The following PLGRKT variants were observed in gnomAD, a reference collection of about 807,000 sequenced individuals.
PLGRKT encodes the protein plasminogen receptor (KT).
In PLGRKT, 22 loss-of-function variants were observed where a neutral mutation model predicts 18.5. That is an observed-to-expected ratio of 1.19 (90% confidence interval 0.85 to 1.70). The LOEUF (loss-of-function observed/expected upper bound fraction) is 1.70, where lower values mean the gene tolerates loss of function less well. PLGRKT is among the 40% of genes most tolerant of loss of function. The probability of loss-of-function intolerance (pLI) is 0.00; values close to 1 mark genes in which losing one functional copy is unlikely to be tolerated. For missense variants in PLGRKT, 235 were observed against 174.4 expected (o/e 1.35, Z -1.96); for synonymous variants, 72 against 52.8 (o/e 1.36, Z -1.58).
At chr9:5,362,491 T>C (rs1262155496) in intron 3 of PLGRKT, among the ~76,000 whole-genome samples, 1 of 152,224 alleles carries the variant, frequency 6.6e-6, no homozygotes, top group African/African-American at 2.4e-5. Flanking sequence ...ACTGAATTTC[T>C]AAATTGATTT....
intron 3 of PLGRKT, among the ~76,000 whole-genome samples, chr9:5,363,193 G>C (rs1000820741): frequency 4.0e-5 from 6 of 151,846 alleles, no homozygotes; most frequent in African/African-American, 1.2e-4. Context: ...CTGGATCCCA[G>C]AGGATCAGCA....
At chr9:5,370,310 A>C (rs896771377) in intron 3 of PLGRKT, among the ~76,000 whole-genome samples, 1 of 152,204 alleles carries the variant, frequency 6.6e-6, no homozygotes, top group African/African-American at 2.4e-5. Flanking sequence ...AATTATGTAA[A>C]GGTCCACAGA....
intron 3 of PLGRKT, among the ~76,000 whole-genome samples, chr9:5,375,930 C>G (rs1817617862): frequency 6.6e-6 from 1 of 152,118 alleles, no homozygotes; most frequent in African/African-American, 2.4e-5. Flanking sequence ...TTCACAACAG[C>G]CAAAAGGTAG....
At chr9:5,435,281 C>A (rs1818936903) in intron 2 of PLGRKT, among the ~76,000 whole-genome samples, 1 of 151,088 alleles carries the variant, frequency 6.6e-6, no homozygotes, top group South Asian at 2.1e-4. Flanking sequence ...CCTGCCACAT[C>A]CCCCTCTCTA....
At chr9:5,365,341 C>T (rs1373133099) in intron 3 of PLGRKT, among the ~76,000 whole-genome samples, 1 of 152,140 alleles carries the variant, frequency 6.6e-6, no homozygotes, top group Non-Finnish European at 1.5e-5. Flanking sequence ...AAATAAATAA[C>T]ATAGTGTTGG....
rs115387279 is a variant in PLGRKT, at chr9:5,366,631, C to T, written c.82-4743G>A. ...AGAGCCATCTATGACAAACTCACAG[C>T]CTATGACAACATCACTGAATGTGAA... On this transcript the variant is annotated intron_variant, in intron 3 of 5. Transcript: ENST00000223864. 4.1e-3 allele frequency among the ~76,000 whole-genome samples: 617 copies of T among 152,204 alleles called. 6 individuals are homozygous for T. The highest frequency in any genetic ancestry group is 0.014 in the African/African-American group (575 of 41,538).
At chr9:5,414,499 T>C (rs1818422419) in intron 3 of PLGRKT, among the ~76,000 whole-genome samples, 2 of 152,166 alleles carry the variant, frequency 1.3e-5, no homozygotes. Context: ...ATTAGAACCA[T>C]AGCAATGTTT....
chr9:5,426,645 C>A (rs1818707498), intron 3 of PLGRKT, among the ~76,000 whole-genome samples: 1 of 152,184 alleles, frequency 6.6e-6, no homozygotes, highest in South Asian at 2.1e-4. Context: ...TTAGGAGAAT[C>A]AATCCACCAT....
At chr9:5,421,700 C>T (rs919400424) in intron 3 of PLGRKT, among the ~76,000 whole-genome samples, 5 of 152,154 alleles carry the variant, frequency 3.3e-5, no homozygotes, top group African/African-American at 1.2e-4. Context: ...TCACTTAATC[C>T]TCAGAGTAAC....
At chr9:5,397,112 G>A (rs1586724782) in intron 3 of PLGRKT, among the ~76,000 whole-genome samples, 1 of 152,078 alleles carries the variant, frequency 6.6e-6, no homozygotes, top group South Asian at 2.1e-4. Flanking sequence ...TTAGTGGTAA[G>A]TATGAATGCG....
At chr9:5,423,930 T>C (rs1430109393) in intron 3 of PLGRKT, among the ~76,000 whole-genome samples, 1 of 144,108 alleles carries the variant, frequency 6.9e-6, no homozygotes, top group African/African-American at 2.6e-5. Flanking sequence ...TTACCTGTTA[T>C]ATATTATATA....
intron 3 of PLGRKT, among the ~76,000 whole-genome samples, chr9:5,363,583 A>C (rs1359531280): frequency 6.6e-6 from 1 of 152,020 alleles, no homozygotes; most frequent in Non-Finnish European, 1.5e-5. Context: ...TCTGCTCTGA[A>C]ACCATTTATG....
At chr9:5,372,708 C>T (rs185024377) in intron 3 of PLGRKT, among the ~76,000 whole-genome samples, 3 of 152,292 alleles carry the variant, frequency 2.0e-5, no homozygotes, top group African/African-American at 7.2e-5. Context: ...TTCCACCTCC[C>T]AAGTCTCCTT....
chr9:5,365,174 G>C (rs73639293), intron 3 of PLGRKT, among the ~76,000 whole-genome samples: 2,097 of 152,108 alleles, frequency 0.014, 58 homozygotes, highest in African/African-American at 0.048. Context: ...CCTAGGACTG[G>C]GGCAAGAAAT....
At chr9:5,397,233 G>T (rs73397111) in intron 3 of PLGRKT, among the ~76,000 whole-genome samples, 5,789 of 151,838 alleles carry the variant, frequency 0.038, 458 homozygotes, top group African/African-American at 0.13. Context: ...TTTCTTCCAG[G>T]TAAGATCAAA....
intron 3 of PLGRKT, among the ~76,000 whole-genome samples, chr9:5,377,249 T>TA (rs34637029): frequency 9.6e-4 from 139 of 145,350 alleles, no homozygotes; most frequent in African/African-American, 3.0e-3. Flanking sequence ...ACAAGTAAAC[T>TA]AAAAAAAAAA....
chr9:5,386,126 G>C (rs981793516), intron 3 of PLGRKT, among the ~76,000 whole-genome samples: 1 of 151,860 alleles, frequency 6.6e-6, no homozygotes. Flanking sequence ...ATTGATGTCA[G>C]TAAGAAGTCC....
chr9:5,411,111 C>T (rs368041096), intron 3 of PLGRKT, among the ~76,000 whole-genome samples: 25 of 152,100 alleles, frequency 1.6e-4, no homozygotes, highest in African/African-American at 5.3e-4. Context: ...AGGCCAGTTG[C>T]GGTGACTCAC....
chr9:5,425,036 T>C (rs190368919), intron 3 of PLGRKT, among the ~76,000 whole-genome samples: 7 of 152,302 alleles, frequency 4.6e-5, no homozygotes, highest in Non-Finnish European at 1.0e-4. Flanking sequence ...AAAAAACCTT[T>C]AGTTTGTTGC....
Sources: gnomAD v4.1 joint callset for allele counts (sites outside exome capture counted in the v4.1 genomes callset) on GRCh38, gnomAD v4.1.1 for gene constraint, MANE v1.5 for transcripts, NCBI Gene and HGNC (gene_info 2026-07-23, HGNC 2026-07-21) for gene names.